Variants in CDH12 observed in about 807,000 individuals in gnomAD.
CDH12 encodes cadherin-12.
In CDH12, 41 loss-of-function variants were observed where a neutral mutation model predicts 74.1. The ratio of observed to expected loss-of-function variants is 0.55; its 90% CI spans 0.43 to 0.72. The LOEUF (loss-of-function observed/expected upper bound fraction) is 0.72, where lower values mean the gene tolerates loss of function less well. Among genes scored for constraint, CDH12 ranks in the 30% least tolerant of loss-of-function variants. CDH12 has a pLI of 0.00. For missense variants in CDH12, 945 were observed against 977.2 expected (o/e 0.97, Z 0.44); for synonymous variants, 399 against 355.0 (o/e 1.12, Z -1.39).
intron 9 of CDH12, among the ~76,000 whole-genome samples, chr5:21,812,420 C>T (rs1747798193): frequency 6.6e-6 from 1 of 152,064 alleles, no homozygotes; most frequent in African/African-American, 2.4e-5. Context: ...TGCAACACTA[C>T]TGTTGATGTT....
At chr5:22,574,708 C>T (rs564474364) in intron 1 of CDH12, among the ~76,000 whole-genome samples, 3 of 152,196 alleles carry the variant, frequency 2.0e-5, no homozygotes, top group Admixed American at 6.5e-5. Flanking sequence ...CTTAACTTTC[C>T]TTCTCTTCCT....
At chr5:21,839,505 A>G (rs1749721038) in intron 8 of CDH12, among the ~76,000 whole-genome samples, 1 of 152,148 alleles carries the variant, frequency 6.6e-6, no homozygotes, top group Non-Finnish European at 1.5e-5. Context: ...AAGTGTAATT[A>G]TTTCTAATTG....
rs535867872 is a variant in CDH12, at chr5:22,030,021, C to G, written c.231+48425G>C. On this transcript the variant is annotated intron_variant, in intron 5 of 14. Coordinates refer to ENST00000382254, the MANE Select transcript of CDH12 (RefSeq NM_004061.5). ...AGTAAACTATCGCAAGGACAAAAAA[C>G]CAAACACCGCATGTTCTCACTTATA... 4.0e-3 allele frequency among the ~76,000 whole-genome samples: 596 copies of G among 150,504 alleles called. 7 individuals carry two copies. Among genetic ancestry groups the G allele is most frequent in the African/African-American group, 0.014 (561 of 40,984 alleles).
intron 3 of CDH12, among the ~76,000 whole-genome samples, chr5:22,329,849 T>C (rs1376879135): frequency 6.6e-6 from 1 of 152,196 alleles, no homozygotes; most frequent in Non-Finnish European, 1.5e-5. Context: ...CAGTGGGAAC[T>C]TGAGGTTCTT....
chr5:22,498,901 C>CTTTTTTTTTTTTTTTTTT (rs34550762), intron 2 of CDH12, among the ~76,000 whole-genome samples: 31 of 73,406 alleles, frequency 4.2e-4, no homozygotes, highest in Admixed American at 7.2e-4. Flanking sequence ...TTTTCTGTTT[C>CTTTTTTTTTTTTTTTTTT]TTTTTTTTTT....
chr5:22,084,052 T>G (rs1282105766), intron 4 of CDH12, among the ~76,000 whole-genome samples: 2 of 152,138 alleles, frequency 1.3e-5, no homozygotes, highest in Non-Finnish European at 2.9e-5. Context: ...GACATAATTT[T>G]AGGCAGAGGT....
intron 5 of CDH12, among the ~76,000 whole-genome samples, chr5:22,026,172 T>C (rs1738338170): frequency 6.6e-6 from 1 of 152,124 alleles, no homozygotes; most frequent in Admixed American, 6.6e-5. Flanking sequence ...ATCAGAGGCA[T>C]GGCGCCAGGC....
At chr5:22,676,888 ATAG>A (rs1337264421) in intron 1 of CDH12, among the ~76,000 whole-genome samples, 2 of 152,196 alleles carry the variant, frequency 1.3e-5, no homozygotes, top group Non-Finnish European at 2.9e-5. Context: ...ATAATTACAA[ATAG>A]TAGTATTTCT....
At chr5:22,220,535 C>T (rs898156348) in intron 3 of CDH12, among the ~76,000 whole-genome samples, 6 of 151,208 alleles carry the variant, frequency 4.0e-5, no homozygotes, top group South Asian at 2.1e-4. Context: ...TCTTGATTGG[C>T]ATTGTTATTT....
intron 1 of CDH12, among the ~76,000 whole-genome samples, chr5:22,842,135 C>T (rs1384750443): frequency 6.6e-6 from 1 of 152,102 alleles, no homozygotes; most frequent in Non-Finnish European, 1.5e-5. Context: ...GGAACTAGTA[C>T]TGCCACGGAA....
intron 2 of CDH12, among the ~76,000 whole-genome samples, chr5:22,500,502 T>C (rs927626783): frequency 2.6e-5 from 4 of 152,188 alleles, no homozygotes; most frequent in African/African-American, 9.7e-5. Context: ...TTGACTCCAC[T>C]TTTACTATGG....
At chr5:22,520,848 A>T (rs2126685061) in intron 1 of CDH12, among the ~76,000 whole-genome samples, 1 of 152,276 alleles carries the variant, frequency 6.6e-6, no homozygotes, top group Middle Eastern at 3.4e-3. Context: ...TGTCAAAAGG[A>T]TCATACTTTG....
intron 2 of CDH12, among the ~76,000 whole-genome samples, chr5:22,465,253 A>G (rs896091710): frequency 9.2e-5 from 14 of 152,116 alleles, no homozygotes; most frequent in Middle Eastern, 3.2e-3. Context: ...ACACATATCT[A>G]TGCTGTCTCC....
chr5:22,700,375 T>A (rs1300757558), intron 1 of CDH12, among the ~76,000 whole-genome samples: 2 of 152,146 alleles, frequency 1.3e-5, no homozygotes, highest in African/African-American at 4.8e-5. Context: ...GAACTCTGTG[T>A]TTAAGAATCT....
At chr5:22,277,341 C>T (rs1561276378) in intron 3 of CDH12, among the ~76,000 whole-genome samples, 1 of 152,202 alleles carries the variant, frequency 6.6e-6, no homozygotes, top group African/African-American at 2.4e-5. Context: ...ATACAAGACA[C>T]TTCATCAACC....
chr5:22,125,651 A>C (rs1481307278), intron 4 of CDH12, among the ~76,000 whole-genome samples: 1 of 152,136 alleles, frequency 6.6e-6, no homozygotes, highest in Non-Finnish European at 1.5e-5. Flanking sequence ...CTGCAAGTAA[A>C]TACTCCATAG....
chr5:22,204,177 T>G (rs1398441848), intron 4 of CDH12, among the ~76,000 whole-genome samples: 3 of 143,228 alleles, frequency 2.1e-5, no homozygotes, highest in African/African-American at 2.6e-5. Context: ...TTTTTTTTTG[T>G]TTTTTGTTTT....
At chr5:22,545,165 G>A (rs902214646) in intron 1 of CDH12, among the ~76,000 whole-genome samples, 1 of 152,130 alleles carries the variant, frequency 6.6e-6, no homozygotes, top group East Asian at 1.9e-4. Flanking sequence ...ATGTTATTGT[G>A]CTGGGACACT....
chr5:22,089,258 T>C (rs1261116074), intron 4 of CDH12, among the ~76,000 whole-genome samples: 1 of 152,190 alleles, frequency 6.6e-6, no homozygotes, highest in East Asian at 1.9e-4. Context: ...GGACTGGTGG[T>C]TCAGTAATTA....
Sources: allele counts gnomAD v4.1 joint callset (sites outside exome capture counted in the v4.1 genomes callset), GRCh38; gene constraint gnomAD v4.1.1; transcripts MANE v1.5; gene names NCBI Gene and HGNC (gene_info 2026-07-23, HGNC 2026-07-21).